Variants in TMCO5A observed in about 807,000 individuals in gnomAD.
TMCO5A encodes transmembrane and coiled-coil domains 5A.
Under a neutral mutation model 42.3 loss-of-function variants are expected in TMCO5A, and 34 were observed. That is an observed-to-expected ratio of 0.80 (90% confidence interval 0.61 to 1.07). The LOEUF is 1.07. Among genes scored for constraint, TMCO5A ranks in the 50% least tolerant of loss-of-function variants. The pLI, the probability that TMCO5A is intolerant of heterozygous loss-of-function variation, is 0.00. For synonymous variants in TMCO5A, 131 were observed against 115.6 expected, an observed-to-expected ratio of 1.13 and a Z score of -0.86; for missense variants, 357 against 327.9, an observed-to-expected ratio of 1.09 and a Z score of -0.69.
At chr15:37,956,008 C>A (rs548455956), downstream of TMCO5A, among the ~76,000 whole-genome samples, 8 of 152,102 alleles carry the variant, frequency 5.3e-5, no homozygotes, top group African/African-American at 1.9e-4. Context: ...GGGTAAATAA[C>A]GAAATGAAGG....
At chr15:38,036,172 C>T in the TMCO5A span, among the ~76,000 whole-genome samples, 4 of 152,124 alleles carry the variant, frequency 2.6e-5, no homozygotes, top group African/African-American at 9.7e-5. Flanking sequence ...AGTTTAAGTT[C>T]CAGCTCAATT....
At chr15:37,982,311 C>T in the TMCO5A span, among the ~76,000 whole-genome samples, 4 of 151,770 alleles carry the variant, frequency 2.6e-5, no homozygotes, top group Non-Finnish European at 5.9e-5. Flanking sequence ...TACACCTATG[C>T]GCACACTGAA....
the TMCO5A span, among the ~76,000 whole-genome samples, chr15:37,978,406 C>T: frequency 1.3e-5 from 2 of 152,122 alleles, no homozygotes; most frequent in Admixed American, 6.5e-5. Context: ...AGTGGGAATG[C>T]GCAGTCAGGG....
At position 37,951,027 on chromosome 15, in the gene TMCO5A, T is replaced by A. The variant is rs767438056; in HGVS notation, c.669-9T>A. 1 of 1,610,320 alleles carries A rather than the reference T, an allele frequency of 6.2e-7. No homozygotes were observed. The highest frequency in any genetic ancestry group is 8.5e-7 in the Non-Finnish European group (1 of 1,179,218). ...TCTGGTTAACAGTTTCATGGCATTC[T>A]CTTTTTAGGATTTTTTGCTGTCTCT... On this transcript the variant is annotated splice_polypyrimidine_tract_variant and intron_variant, in intron 11 of 11. Transcript: ENST00000319669.
the TMCO5A span, among the ~76,000 whole-genome samples, chr15:37,983,992 C>T: frequency 1.3e-5 from 2 of 152,112 alleles, no homozygotes; most frequent in Admixed American, 1.3e-4. Flanking sequence ...CTCGGTCTCC[C>T]AAAGTGCTGA....
At chr15:38,019,546 C>T in the TMCO5A span, among the ~76,000 whole-genome samples, 2 of 152,092 alleles carry the variant, frequency 1.3e-5, no homozygotes, top group Admixed American at 6.6e-5. Context: ...TCCTCCTACC[C>T]GTTCACATTC....
the TMCO5A span, among the ~76,000 whole-genome samples, chr15:37,985,089 G>C: frequency 5.9e-5 from 9 of 151,722 alleles, no homozygotes; most frequent in African/African-American, 1.7e-4. Flanking sequence ...ACATAGAATG[G>C]GGGATGGAGC....
the TMCO5A span, among the ~76,000 whole-genome samples, chr15:38,012,161 A>G: frequency 6.6e-6 from 1 of 151,958 alleles, no homozygotes; most frequent in South Asian, 2.1e-4. Flanking sequence ...GGCTTCTTCT[A>G]TGTGGTGAGA....
At chr15:37,980,637 C>CAAAA in the TMCO5A span, among the ~76,000 whole-genome samples, 10 of 83,170 alleles carry the variant, frequency 1.2e-4, no homozygotes, top group Non-Finnish European at 1.8e-4. Context: ...GCCATCTTGG[C>CAAAA]AAAAAAAAAA....
downstream of TMCO5A, among the ~76,000 whole-genome samples, chr15:37,968,399 C>T (rs899107289): frequency 1.3e-5 from 2 of 152,126 alleles, no homozygotes; most frequent in African/African-American, 2.4e-5. Flanking sequence ...AGGAAAGCTC[C>T]AAGGTGCACA....
At chr15:37,967,582 A>C (rs1253862709) in exon 12 of TMCO5A, 1 of 152,240 alleles carries the variant, frequency 6.6e-6, no homozygotes, top group Admixed American at 6.5e-5. Flanking sequence ...TAACCTTCTT[A>C]ATTTAAGGTA....
the TMCO5A span, among the ~76,000 whole-genome samples, chr15:37,995,467 G>GA: frequency 9.2e-5 from 14 of 152,138 alleles, no homozygotes; most frequent in African/African-American, 3.4e-4. Flanking sequence ...CTTTCCCTCT[G>GA]ATGTAGCTTG....
chr15:37,941,585 A>G (rs1387766165), intron 7 of TMCO5A, 86 bp from the exon 8 acceptor site: 17 of 968,658 alleles, frequency 1.8e-5, no homozygotes, highest in Admixed American at 8.6e-5. Flanking sequence ...CACATTTAGG[A>G]CCTGGGACCC....
the TMCO5A span, among the ~76,000 whole-genome samples, chr15:37,973,470 C>T: frequency 6.6e-6 from 1 of 152,148 alleles, no homozygotes; most frequent in Non-Finnish European, 1.5e-5. Flanking sequence ...TTTTGTAATT[C>T]TCATTGTAGA....
the TMCO5A span, among the ~76,000 whole-genome samples, chr15:38,017,902 T>G: frequency 6.6e-5 from 10 of 152,156 alleles, no homozygotes; most frequent in African/African-American, 2.2e-4. Flanking sequence ...CGAGCTCTCA[T>G]GAGATCTGGT....
chr15:37,945,097 G>T (rs540664933), intron 10 of TMCO5A, among the ~76,000 whole-genome samples: 1 of 152,130 alleles, frequency 6.6e-6, no homozygotes, highest in African/African-American at 2.4e-5. Flanking sequence ...TCATCATTCA[G>T]CTCCCACTTA....
intron 6 of TMCO5A, among the ~76,000 whole-genome samples, chr15:37,938,941 A>G (rs1889629647): frequency 6.6e-6 from 1 of 152,076 alleles, no homozygotes; most frequent in Non-Finnish European, 1.5e-5. Context: ...TACAAGTGCC[A>G]TTTTGCCAAC....
the TMCO5A span, among the ~76,000 whole-genome samples, chr15:38,011,148 T>C: frequency 6.6e-5 from 10 of 152,318 alleles, no homozygotes; most frequent in African/African-American, 2.2e-4. Context: ...ACAGCTTAGT[T>C]TGGTGTCTGT....
At chr15:38,033,094 A>AT in the TMCO5A span, among the ~76,000 whole-genome samples, 4 of 151,772 alleles carry the variant, frequency 2.6e-5, no homozygotes, top group East Asian at 7.8e-4. Flanking sequence ...CGCCCGGCTA[A>AT]TTTTTTTGTA....
Sources: allele counts gnomAD v4.1 joint callset (sites outside exome capture counted in the v4.1 genomes callset), GRCh38; gene constraint gnomAD v4.1.1; transcripts MANE v1.5; gene names NCBI Gene and HGNC (gene_info 2026-07-23, HGNC 2026-07-21).